LATS1: variants seen among roughly 807,000 people sequenced by gnomAD.
LATS1 encodes the protein serine/threonine-protein kinase LATS1.
A neutral mutation model predicts 106.6 loss-of-function variants in LATS1; 25 were observed. The ratio of observed to expected loss-of-function variants is 0.23; its 90% CI spans 0.17 to 0.33. The LOEUF (loss-of-function observed/expected upper bound fraction) is 0.33, where lower values mean the gene tolerates loss of function less well. Among genes scored for constraint, LATS1 ranks in the 10% least tolerant of loss-of-function variants. The pLI is 1.00. For missense variants in LATS1, 1,040 were observed against 1,382.6 expected, an observed-to-expected ratio of 0.75 and a Z score of 3.93; for synonymous variants, 465 against 455.6, an observed-to-expected ratio of 1.02 and a Z score of -0.26.
chr6:149,690,604 C>T (rs547839317), intron 3 of LATS1, among the ~76,000 whole-genome samples: 12 of 150,962 alleles, frequency 7.9e-5, no homozygotes, highest in Non-Finnish European at 1.5e-4. Context: ...TGGAGTGCAG[C>T]GGCGCAATCA....
At chr6:149,714,024 G>C (rs1430821860) in intron 1 of LATS1, among the ~76,000 whole-genome samples, 1 of 151,116 alleles carries the variant, frequency 6.6e-6, no homozygotes, top group African/African-American at 2.4e-5. Flanking sequence ...TCAGGCTGGA[G>C]TGCAGTGTCG....
In LATS1 at chr6:149,684,424, G is replaced by A; in HGVS notation, c.665C>T (p.Ala222Val). 1 of 1,614,036 alleles carries A rather than the reference G, an allele frequency of 6.2e-7. No individual in the cohort carries two copies. Among genetic ancestry groups the A allele is most frequent in the Non-Finnish European group, 8.5e-7 (1 of 1,179,984 alleles). ...GRPLSGSGIS[A>V]FVQAHPSNGQ... is the part of the protein sequence containing the mutation. ...GTTGCTAGGGTGAGCTTGAACAAATGCTGATATACCAGATCCAGACAAAGG... is the reference window on the plus strand; with the variant it reads ...GTTGCTAGGGTGAGCTTGAACAAATACTGATATACCAGATCCAGACAAAGG... The change falls in exon 4 of 8, where the codon GCA (alanine) becomes GTA (valine). Residue 222 changes from alanine to valine, a missense_variant. By Grantham distance (64) the Ala-to-Val change is moderately conservative (BLOSUM62 0). Coordinates refer to ENST00000543571, the MANE Select transcript of LATS1 (RefSeq NM_004690.4).
chr6:149,706,509 C>CA (rs912040159), intron 1 of LATS1, among the ~76,000 whole-genome samples: 78 of 140,530 alleles, frequency 5.6e-4, no homozygotes, highest in Middle Eastern at 3.7e-3. Flanking sequence ...GACCCTGTCT[C>CA]AAAAAAAAAA....
chr6:149,711,041 G>A (rs994756378), intron 1 of LATS1, among the ~76,000 whole-genome samples: 1 of 152,094 alleles, frequency 6.6e-6, no homozygotes, highest in Non-Finnish European at 1.5e-5. Context: ...CTGTGGTTAA[G>A]ACCATATTAA....
chr6:149,682,760 T>C (rs571192638), intron 4 of LATS1, among the ~76,000 whole-genome samples: 12 of 152,278 alleles, frequency 7.9e-5, no homozygotes, highest in African/African-American at 2.6e-4. Flanking sequence ...TGTAAGATAT[T>C]GTATGAAGCC....
At chr6:149,685,553 C>T (rs1238378771) in intron 3 of LATS1, among the ~76,000 whole-genome samples, 1 of 151,960 alleles carries the variant, frequency 6.6e-6, no homozygotes. Flanking sequence ...GCCCAGCTAA[C>T]TTTTGTATTT....
At chr6:149,693,935 C>CA (rs948437623) in intron 3 of LATS1, among the ~76,000 whole-genome samples, 17 of 151,802 alleles carry the variant, frequency 1.1e-4, no homozygotes, top group African/African-American at 4.1e-4. Flanking sequence ...ACTAAAAATA[C>CA]AAAAAATTAG....
chr6:149,678,090 G>T (rs1382430053), intron 5 of LATS1, among the ~76,000 whole-genome samples: 1 of 138,710 alleles, frequency 7.2e-6, no homozygotes, highest in East Asian at 2.2e-4. Flanking sequence ...GGAGGCAGAG[G>T]CAGGCAAATC....
chr6:149,682,133 C>T (rs925760030), intron 4 of LATS1, among the ~76,000 whole-genome samples: 8 of 150,852 alleles, frequency 5.3e-5, no homozygotes, highest in Non-Finnish European at 1.2e-4. Context: ...AAATGATGAT[C>T]GTACTACCTT....
chr6:149,713,497 TG>T (rs1244742402), intron 1 of LATS1, among the ~76,000 whole-genome samples: 1 of 151,834 alleles, frequency 6.6e-6, no homozygotes, highest in Admixed American at 6.6e-5. Context: ...GGTTTCTCCA[TG>T]TTGCCTAGGC....
chr6:149,662,708 T>C (rs1341664863), intron 7 of LATS1, among the ~76,000 whole-genome samples: 3 of 152,050 alleles, frequency 2.0e-5, no homozygotes, highest in Non-Finnish European at 2.9e-5. Flanking sequence ...TTGCCTGTAA[T>C]CCCAGCACCC....
chr6:149,662,658 T>C (rs1780933634), intron 7 of LATS1, among the ~76,000 whole-genome samples: 1 of 152,128 alleles, frequency 6.6e-6, no homozygotes, highest in Admixed American at 6.6e-5. Flanking sequence ...ACTTAATACA[T>C]GTTTGATAAA....
intron 1 of LATS1, among the ~76,000 whole-genome samples, chr6:149,705,835 T>G (rs1052176900): frequency 2.6e-5 from 4 of 152,082 alleles, no homozygotes; most frequent in Non-Finnish European, 5.9e-5. Context: ...TCCCTCATAA[T>G]TCACCTTCCT....
intron 7 of LATS1, among the ~76,000 whole-genome samples, chr6:149,667,502 G>A (rs1781219717): frequency 6.9e-6 from 1 of 144,124 alleles, no homozygotes; most frequent in Non-Finnish European, 1.5e-5. Flanking sequence ...TCAATCAACT[G>A]CTCATTCTGA....
At chr6:149,692,822 G>A (rs982441295) in intron 3 of LATS1, among the ~76,000 whole-genome samples, 12 of 151,878 alleles carry the variant, frequency 7.9e-5, no homozygotes, top group South Asian at 2.1e-4. Flanking sequence ...TTAGAGACAC[G>A]CGCCACCACA....
chr6:149,709,522 A>G (rs1424800347), intron 1 of LATS1, among the ~76,000 whole-genome samples: 1 of 152,070 alleles, frequency 6.6e-6, no homozygotes, highest in Non-Finnish European at 1.5e-5. Context: ...AAACATTTAC[A>G]ATGTATTATC....
chr6:149,694,175 T>G (rs1423530950), intron 3 of LATS1, among the ~76,000 whole-genome samples: 1 of 152,246 alleles, frequency 6.6e-6, no homozygotes. Context: ...TTTTAAGTTT[T>G]CTAAAACTTA....
rs1302599744 is a variant in LATS1, at chr6:149,667,200, C to A, written c.2884-4962G>T. Among the ~76,000 whole-genome samples, 4 of 151,762 alleles carry A rather than the reference C, an allele frequency of 2.6e-5. No individual in the cohort carries two copies. In the South Asian group the frequency reaches 8.4e-4, roughly 32 times the overall value. ...CTGTAATGCCAGCACTTTGGGAGGC[C>A]GAGGCAGGTGGATCACTTGAGGCCA... On this transcript the variant is annotated intron_variant, in intron 7 of 7. Transcript: ENST00000543571.
intron 3 of LATS1, among the ~76,000 whole-genome samples, chr6:149,689,827 T>C (rs1287306231): frequency 6.6e-6 from 1 of 152,334 alleles, no homozygotes; most frequent in African/African-American, 2.4e-5. Context: ...CTAAGGCTAA[T>C]AGTCCCTCAT....
Sources: gnomAD v4.1 joint callset for allele counts (sites outside exome capture counted in the v4.1 genomes callset) on GRCh38, gnomAD v4.1.1 for gene constraint, MANE v1.5 for transcripts, NCBI Gene and HGNC (gene_info 2026-07-23, HGNC 2026-07-21) for gene names.